Variants in CNTN4 observed in about 807,000 individuals in gnomAD.
CNTN4 encodes contactin-4.
Under a neutral mutation model 122.5 loss-of-function variants are expected in CNTN4, and 77 were observed. The observed-to-expected ratio is 0.63, with a 90% CI of 0.52 to 0.76. The LOEUF (loss-of-function observed/expected upper bound fraction) is 0.76. CNTN4 is among the 30% of genes least tolerant of loss of function. The pLI, the probability that CNTN4 is intolerant of heterozygous loss-of-function variation, is 0.00. For missense variants in CNTN4, 1,256 were observed against 1,259.1 expected (o/e 1.00, Z 0.04); for synonymous variants, 512 against 447.0 (o/e 1.15, Z -1.83).
chr3:2,816,065 T>C (rs538051917), intron 6 of CNTN4, among the ~76,000 whole-genome samples: 2 of 151,836 alleles, frequency 1.3e-5, no homozygotes, highest in Admixed American at 6.6e-5. Context: ...ATAAAAATGA[T>C]ACAATGAGGC....
chr3:2,728,105 A>G (rs1007839906), intron 4 of CNTN4, among the ~76,000 whole-genome samples: 1 of 152,192 alleles, frequency 6.6e-6, no homozygotes, highest in African/African-American at 2.4e-5. Flanking sequence ...AACAACACTA[A>G]ATTGTATTAG....
chr3:2,240,451 A>G (rs2039886770), intron 2 of CNTN4, among the ~76,000 whole-genome samples: 1 of 152,118 alleles, frequency 6.6e-6, no homozygotes, highest in Non-Finnish European at 1.5e-5. Context: ...ATATCAAATG[A>G]CCATTACTTC....
intron 10 of CNTN4, among the ~76,000 whole-genome samples, chr3:2,891,283 A>G (rs939729339): frequency 6.6e-6 from 1 of 152,054 alleles, no homozygotes; most frequent in Non-Finnish European, 1.5e-5. Flanking sequence ...CGTCTCTACT[A>G]AAATATAAAA....
intron 4 of CNTN4, among the ~76,000 whole-genome samples, chr3:2,672,280 C>CTG (rs879294695): frequency 0.15 from 22,414 of 152,142 alleles, 2,056 homozygotes; most frequent in African/African-American, 0.26. Flanking sequence ...AGCTTCCAGG[C>CTG]CAATTTGTTT....
At chr3:2,373,976 G>C (rs2045727108) in intron 3 of CNTN4, among the ~76,000 whole-genome samples, 1 of 152,112 alleles carries the variant, frequency 6.6e-6, no homozygotes, top group Non-Finnish European at 1.5e-5. Flanking sequence ...CCTGATCTCT[G>C]ACTTAAATGA....
intron 2 of CNTN4, among the ~76,000 whole-genome samples, chr3:2,251,181 GC>G (rs1027012411): frequency 1.3e-5 from 2 of 151,842 alleles, no homozygotes; most frequent in Admixed American, 6.6e-5. Context: ...CCTTGAATAT[GC>G]CACAAGCAAT....
At chr3:2,817,436 T>G (rs190178305) in intron 6 of CNTN4, among the ~76,000 whole-genome samples, 1 of 152,334 alleles carries the variant, frequency 6.6e-6, no homozygotes, top group Non-Finnish European at 1.5e-5. Flanking sequence ...CTATTTCAAT[T>G]AATGACTAAT....
At chr3:2,423,341 A>G (rs2047681867) in intron 3 of CNTN4, among the ~76,000 whole-genome samples, 1 of 152,214 alleles carries the variant, frequency 6.6e-6, no homozygotes, top group South Asian at 2.1e-4. Context: ...TAGAAAGCTC[A>G]GATGCACAAA....
chr3:2,111,697 T>A (rs2032969810), intron 2 of CNTN4, among the ~76,000 whole-genome samples: 1 of 152,090 alleles, frequency 6.6e-6, no homozygotes, highest in South Asian at 2.1e-4. Flanking sequence ...CATTTAACCT[T>A]TTTTAGCTTC....
intron 3 of CNTN4, among the ~76,000 whole-genome samples, chr3:2,434,789 G>A (rs531109377): frequency 6.6e-6 from 1 of 152,004 alleles, no homozygotes; most frequent in Non-Finnish European, 1.5e-5. Context: ...TTTCTTCCAC[G>A]AAGGCAATAT....
intron 3 of CNTN4, among the ~76,000 whole-genome samples, chr3:2,485,863 C>T (rs1023288962): frequency 1.3e-5 from 2 of 152,108 alleles, no homozygotes; most frequent in East Asian, 3.9e-4. Context: ...TCGATCAGCT[C>T]TCTGTAAAAT....
chr3:2,762,823 AC>A (rs2090650890), intron 6 of CNTN4, among the ~76,000 whole-genome samples: 1 of 151,346 alleles, frequency 6.6e-6, no homozygotes, highest in Non-Finnish European at 1.5e-5. Flanking sequence ...TTTCTCTATA[AC>A]CTTGCCAGCA....
At chr3:2,101,231 G>C (rs76463679) in intron 2 of CNTN4, among the ~76,000 whole-genome samples, 1,721 of 151,924 alleles carry the variant, frequency 0.011, 36 homozygotes, top group African/African-American at 0.039. Flanking sequence ...TTTCTTTTCC[G>C]ATCTAAGCAC....
At chr3:2,680,213 C>G (rs1046681223) in intron 4 of CNTN4, among the ~76,000 whole-genome samples, 2 of 152,146 alleles carry the variant, frequency 1.3e-5, no homozygotes, top group African/African-American at 2.4e-5. Context: ...GAACCCATCT[C>G]TGTGAAAACA....
At chr3:2,470,582 C>G (rs2075651854) in intron 3 of CNTN4, among the ~76,000 whole-genome samples, 1 of 152,054 alleles carries the variant, frequency 6.6e-6, no homozygotes, top group African/African-American at 2.4e-5. Context: ...ATATTGTGAC[C>G]TTTTTCCCAC....
chr3:2,320,794 T>C (rs1405114424), intron 2 of CNTN4, among the ~76,000 whole-genome samples: 1 of 152,154 alleles, frequency 6.6e-6, no homozygotes, highest in Non-Finnish European at 1.5e-5. Context: ...GCACATTTGG[T>C]TGATAATTTC....
At chr3:2,426,780 C>T (rs984501600) in intron 3 of CNTN4, among the ~76,000 whole-genome samples, 1 of 152,154 alleles carries the variant, frequency 6.6e-6, no homozygotes, top group Non-Finnish European at 1.5e-5. Context: ...GATTCAACTT[C>T]TTCCTGGTTT....
rs535855612 is a variant in CNTN4, at chr3:2,774,343, T to G, written c.358+28646T>G. Among the ~76,000 whole-genome samples the G allele has an allele frequency of 5.3e-5, 8 of 152,224 alleles. No individual in the cohort carries two copies. In the East Asian group the frequency reaches 7.7e-4, roughly 15 times the overall value. ...CAATCTCCATTTCATCTGCCAATCT[T>G]CTTGCCTTCTGATCAACCTACCTTT... On this transcript the variant is annotated intron_variant, in intron 6 of 24. Coordinates refer to ENST00000418658, the MANE Select transcript of CNTN4 (RefSeq NM_175607.3).
intron 7 of CNTN4, among the ~76,000 whole-genome samples, chr3:2,857,305 A>G (rs920681239): frequency 1.3e-5 from 2 of 152,154 alleles, no homozygotes; most frequent in Admixed American, 6.5e-5. Context: ...CATTATCTGA[A>G]AGTATTCTAT....
Sources: allele counts gnomAD v4.1 joint callset (sites outside exome capture counted in the v4.1 genomes callset), GRCh38; gene constraint gnomAD v4.1.1; transcripts MANE v1.5; gene names NCBI Gene and HGNC (gene_info 2026-07-23, HGNC 2026-07-21).